ATP6V1B2: variants seen among roughly 807,000 people sequenced by gnomAD.
ATP6V1B2 encodes the protein V-type proton ATPase subunit B, brain isoform.
In ATP6V1B2, 23 loss-of-function variants were observed where a neutral mutation model predicts 66.7. The ratio of observed to expected loss-of-function variants is 0.34; its 90% confidence interval spans 0.25 to 0.49. The LOEUF (loss-of-function observed/expected upper bound fraction) is 0.49, where lower values mean the gene tolerates loss of function less well. Ranked by LOEUF, ATP6V1B2 falls within the 20% of genes least tolerant of loss-of-function variation. ATP6V1B2 has a pLI of 0.99. For synonymous variants in ATP6V1B2, 278 were observed against 236.7 expected (o/e 1.17, Z -1.60); for missense variants, 478 against 650.8 (o/e 0.73, Z 2.89).
intron 3 of ATP6V1B2, 87 bp from the exon 4 acceptor site, chr8:20,210,259 A>G (rs1290007904): frequency 9.5e-7 from 1 of 1,051,212 alleles, no homozygotes; most frequent in South Asian, 1.4e-5. Context: ...GTTTTACATT[A>G]TAAGGGCTGT....
intron 1 of ATP6V1B2, among the ~76,000 whole-genome samples, chr8:20,202,051 C>T (rs2072693221): frequency 6.6e-6 from 1 of 152,184 alleles, no homozygotes. Context: ...ACCCATTCCC[C>T]TCTTAGAGGC....
intron 5 of ATP6V1B2, 82 bp from the exon 6 acceptor site, chr8:20,211,095 C>T: frequency 6.5e-7 from 1 of 1,533,724 alleles, no homozygotes; most frequent in South Asian, 1.3e-5. Flanking sequence ...TTTTTCTTTT[C>T]TTTTAATTTG....
Position 20,197,537 on chromosome 8 carries a change from G to A in ATP6V1B2, c.131G>A (p.Arg44His). Reference protein sequence around the residue: ...AVSRNYLSQPRLTYKTVSGVN... With the variant: ...AVSRNYLSQPHLTYKTVSGVN... ...AGTCGGAACTACCTCTCCCAGCCTC[G>A]CCTCAGTGAGTATCAGAGAGTAATA... is the stretch of plus-strand genomic sequence containing the variant. The change falls in exon 1 of 14, where the codon CGC becomes CAC. Residue 44 changes from arginine to histidine, a missense_variant. By Grantham distance (29) the Arg-to-His change is conservative. Around this residue, in one of 2 missense-constraint regions of ATP6V1B2, gnomAD observed 152 missense variants for 105.2 expected, o/e 1.44. Coordinates refer to ENST00000276390, the MANE Select transcript of ATP6V1B2 (RefSeq NM_001693.4). 7.1e-7 allele frequency: 1 copy of A among 1,413,330 alleles called. No homozygotes were observed. Among genetic ancestry groups the A allele is most frequent in the East Asian group, 2.8e-5 (1 of 36,220 alleles). The allele number at this position is 1,413,330 out of a possible 1,614,324, so 87.5% of individuals were successfully genotyped here.
intron 1 of ATP6V1B2, among the ~76,000 whole-genome samples, chr8:20,203,162 A>G (rs1272873143): frequency 6.6e-6 from 1 of 152,196 alleles, no homozygotes; most frequent in African/African-American, 2.4e-5. Flanking sequence ...CATCCATCCA[A>G]GTAGCTTGCT....
intron 1 of ATP6V1B2, among the ~76,000 whole-genome samples, chr8:20,199,087 G>C (rs1011865441): frequency 2.0e-5 from 3 of 152,192 alleles, no homozygotes; most frequent in African/African-American, 7.2e-5. Context: ...TGTCAATTCA[G>C]AGAATATCAA....
Position 20,214,870 on chromosome 8 carries a change from T to C in ATP6V1B2, c.980T>C (p.Met327Thr). The part of the protein sequence containing the change: ...VPGRRGFPGY[M>T]YTDLATIYER... ...GGTCGACGAGGTTTTCCAGGTTACATGTATACAGATTTAGCCACGATATAT... is the reference window on the plus strand; with the variant it reads ...GGTCGACGAGGTTTTCCAGGTTACACGTATACAGATTTAGCCACGATATAT... Residue 327 changes from methionine (M) to threonine (T), a missense_variant, in exon 10 of 14, where the codon ATG becomes ACG. Met to Thr is a moderately conservative substitution (Grantham distance 81). Coordinates refer to ENST00000276390, the MANE Select transcript of ATP6V1B2 (RefSeq NM_001693.4). 1 of 1,613,528 alleles carries C rather than the reference T, an allele frequency of 6.2e-7. No individual in the cohort carries two copies. Among genetic ancestry groups the C allele is most frequent in the Non-Finnish European group, 8.5e-7 (1 of 1,179,668 alleles).
At chr8:20,211,617 A>C (rs546878455) in intron 6 of ATP6V1B2, 35 bp from the exon 7 acceptor site, 146 of 1,560,342 alleles carry the variant, frequency 9.4e-5, no homozygotes, top group Non-Finnish European at 1.2e-4. Flanking sequence ...ATGTTATTTT[A>C]GATTTCAACT....
intron 12 of ATP6V1B2, 45 bp from the exon 13 acceptor site, chr8:20,218,108 T>C: frequency 6.2e-7 from 1 of 1,600,714 alleles, no homozygotes; most frequent in East Asian, 2.2e-5. Flanking sequence ...TGACTGAACA[T>C]TTTGAGAGCT....
intron 2 of ATP6V1B2, among the ~76,000 whole-genome samples, chr8:20,204,981 G>T (rs2072723861): frequency 6.6e-6 from 1 of 152,144 alleles, no homozygotes; most frequent in African/African-American, 2.4e-5. Context: ...CTTTCTGTAT[G>T]ATAAGGCACC....
chr8:20,214,986 G>A lies in ATP6V1B2; in HGVS notation c.1078+18G>A. The A allele has an allele frequency of 6.2e-7, 1 of 1,610,718 alleles. No individual in the cohort carries two copies. Among genetic ancestry groups the A allele is most frequent in the Non-Finnish European group, 8.5e-7 (1 of 1,178,198 alleles). The stretch of plus-strand genomic sequence containing the variant: ...TAATGATGGTAAGTTTTGGTATTTG[G>A]ATTATAACACACCTAATCATTTTAA... On this transcript the variant is annotated intron_variant, in intron 10 of 13. Coordinates refer to ENST00000276390, the MANE Select transcript of ATP6V1B2 (RefSeq NM_001693.4).
chr8:20,209,342 T>G, intron 2 of ATP6V1B2, 91 bp from the exon 3 acceptor site: 1 of 1,284,516 alleles, frequency 7.8e-7, no homozygotes, highest in Non-Finnish European at 1.1e-6. Flanking sequence ...GGTTCCATAT[T>G]CAGACACAAC....
intron 13 of ATP6V1B2, among the ~76,000 whole-genome samples, chr8:20,218,698 A>C (rs1041958643): frequency 6.6e-6 from 1 of 152,094 alleles, no homozygotes; most frequent in Non-Finnish European, 1.5e-5. Flanking sequence ...AATTGTTAGT[A>C]ATCCAAAAAG....
intron 1 of ATP6V1B2, chr8:20,204,004 C>T (rs775659796): frequency 3.3e-5 from 15 of 455,940 alleles, no homozygotes; most frequent in Non-Finnish European, 6.2e-5. Context: ...GTCACTTCTG[C>T]GTAACATTAA....
intron 2 of ATP6V1B2, among the ~76,000 whole-genome samples, chr8:20,207,877 A>G (rs2072754846): frequency 6.6e-6 from 1 of 152,188 alleles, no homozygotes; most frequent in South Asian, 2.1e-4. Context: ...TTGATAAGTA[A>G]GAAAAGGATA....
At chr8:20,216,812 C>T (rs935829839) in intron 11 of ATP6V1B2, 1 of 267,954 alleles carries the variant, frequency 3.7e-6, no homozygotes, top group African/African-American at 2.2e-5. Flanking sequence ...ATGACTTTTC[C>T]ATGCCTCTCT....
At chr8:20,211,344 A>T (rs771972410) in intron 6 of ATP6V1B2, 28 bp downstream of exon 6, 1 of 1,594,342 alleles carries the variant, frequency 6.3e-7, no homozygotes, top group East Asian at 2.2e-5. Flanking sequence ...TTTGCTATGA[A>T]GTTTAGCAGA....
rs373873643 is a variant in ATP6V1B2 at position 20,217,195 on chromosome 8, T to C, written c.1162-25T>C. On this transcript the variant is annotated intron_variant, in intron 11 of 13. Coordinates refer to ENST00000276390, the MANE Select transcript of ATP6V1B2 (RefSeq NM_001693.4). ...TTGAGTTTTGTACTTAAATATAGTATTTTTTCCCTCTCATTCTACCCAAGA... is the reference window on the plus strand; with the variant it reads ...TTGAGTTTTGTACTTAAATATAGTACTTTTTCCCTCTCATTCTACCCAAGA... 1.8e-4 allele frequency: 284 copies of C among 1,566,690 alleles called. 1 individual carries two copies. The highest frequency in any genetic ancestry group is 1.9e-4 in the Non-Finnish European group (216 of 1,137,566).
chr8:20,209,585 C>T, intron 3 of ATP6V1B2, 54 bp downstream of exon 3: 1 of 1,474,658 alleles, frequency 6.8e-7, no homozygotes, highest in Admixed American at 1.7e-5. Flanking sequence ...ACATAGGGAA[C>T]ACTGCTTGTT....
At chr8:20,211,612 AT>A in intron 6 of ATP6V1B2, 39 bp from the exon 7 acceptor site, 1 of 1,554,356 alleles carries the variant, frequency 6.4e-7, no homozygotes, top group Non-Finnish European at 8.7e-7. Context: ...TAGAAATGTT[AT>A]TTTAGATTTC....
Sources: gnomAD v4.1 joint callset for allele counts (sites outside exome capture counted in the v4.1 genomes callset) on GRCh38, gnomAD v4.1.1 for gene constraint, gnomAD v4.1.1 regional missense constraint, MANE v1.5 for transcripts, NCBI Gene and HGNC (gene_info 2026-07-23, HGNC 2026-07-21) for gene names.